Variants in NOTCH4 observed in about 807,000 individuals in gnomAD.
NOTCH4 encodes neurogenic locus notch homolog protein 4.
NOTCH4 carries 138 observed loss-of-function variants against 189.0 expected under a neutral mutation model. That is an observed-to-expected ratio of 0.73 (90% CI 0.64 to 0.84). The LOEUF (loss-of-function observed/expected upper bound fraction) is 0.84, where lower values mean the gene tolerates loss of function less well. Ranked by LOEUF, NOTCH4 falls within the 40% of genes least tolerant of loss-of-function variation. The pLI is 0.00. For synonymous variants in NOTCH4, 942 were observed against 1,032.8 expected (o/e 0.91, Z 1.69); for missense variants, 2,286 against 2,605.4 (o/e 0.88, Z 2.67).
In NOTCH4 at chr6:32,201,057, C is replaced by T. The variant is rs527238648; in HGVS notation, c.4140-51G>A. ...TCTGTATTGGTCCCTGGCTCCCTTT[C>T]CTCCCTCTGCCCTCTTAAAAAAACT... On this transcript the variant is annotated intron_variant, in intron 22 of 29. Transcript: ENST00000375023. The surrounding 1 kb of genome is among the most constrained non-coding windows in gnomAD (Gnocchi z 5.5). 1.3e-6 allele frequency: 2 copies of T among 1,563,028 alleles called. No homozygotes were observed. Among genetic ancestry groups the T allele is most frequent in the Non-Finnish European group, 1.7e-6 (2 of 1,155,480 alleles).
chr6:32,207,604 AC>A (rs1371373855), intron 18 of NOTCH4, among the ~76,000 whole-genome samples: 4 of 147,374 alleles, frequency 2.7e-5, no homozygotes, highest in African/African-American at 1.0e-4. Flanking sequence ...AGACTGGGCA[AC>A]AGGGCAACAG....
Position 32,210,887 on chromosome 6 carries a change from G to A in NOTCH4, c.2730C>T (p.Ser910=), listed in dbSNP as rs367564898. Residue 910 remains serine (S), a synonymous_variant, in exon 18 of 30, where the codon AGC becomes AGT. Coordinates refer to ENST00000375023, the MANE Select transcript of NOTCH4 (RefSeq NM_004557.4). This position sits in a 1 kb window ranked among gnomAD's most constrained non-coding sequence, Gnocchi z 4.8. ...LCHNGGLCVD[S]GPSYFCHCPP... The stretch of plus-strand genomic sequence containing the variant: ...GGCAGTGGCAGAAATAGGAGGGGCC[G>A]CTGTCGACACAGAGGCCTCCATTGT... The A allele has an allele frequency of 2.2e-5, 36 of 1,611,364 alleles. No homozygotes were observed. Among genetic ancestry groups the A allele is most frequent in the Non-Finnish European group, 2.7e-5 (32 of 1,179,194 alleles).
At position 32,197,474 on chromosome 6, in the gene NOTCH4, G is replaced by A. The variant is rs886700863; in HGVS notation, c.4877C>T (p.Pro1626Leu). 1 of 1,596,360 alleles carries A rather than the reference G, an allele frequency of 6.3e-7. No individual in the cohort carries two copies. The highest frequency in any genetic ancestry group is 2.2e-5 in the East Asian group (1 of 44,672). ...CCCAGTGCCCACGGTGTGAGCCTGG[G>A]GACAGGCCCCTCCATCCAGCAGAGG... is the stretch of plus-strand genomic sequence containing the variant. ...WEPLLDGGAC[P>L]QAHTVGTGET... is the part of the protein sequence containing the mutation. Residue 1626 changes from proline (P) to leucine (L), a missense_variant, in exon 27 of 30, where the codon CCC becomes CTC. Around this residue, in one of 2 missense-constraint regions of NOTCH4, gnomAD observed 1,903 missense variants for 2,261.9 expected, o/e 0.84. Transcript: ENST00000375023.
Position 32,220,272 on chromosome 6 carries a change from T to TG in NOTCH4, c.1171dup (p.His391ProfsTer57), listed in dbSNP as rs1789668497. ...CTGGCTCAGACACATGTCTTCCAAG[T>TG]GGCACAGGAGTCCTGGAGGGGTAAG... is the stretch of plus-strand genomic sequence containing the variant. On this transcript the variant is annotated frameshift_variant, in exon 7 of 30. Coordinates refer to ENST00000375023, the MANE Select transcript of NOTCH4 (RefSeq NM_004557.4). LOFTEE classifies it high-confidence loss of function. 2 of 1,613,284 alleles carry TG rather than the reference T, an allele frequency of 1.2e-6. No homozygotes were observed. Among genetic ancestry groups the TG allele is most frequent in the Non-Finnish European group, 1.7e-6 (2 of 1,179,588 alleles).
At position 32,201,934 on chromosome 6, in the gene NOTCH4, C is replaced by T. The variant is rs1326141740; in HGVS notation, c.3755+142G>A. The T allele has an allele frequency of 6.8e-6, 5 of 739,566 alleles. No individual in the cohort carries two copies. Among genetic ancestry groups the T allele is most frequent in the Non-Finnish European group, 9.6e-6 (5 of 519,240 alleles). 45.8% of individuals were successfully genotyped at this position (739,566 alleles called of 1,614,324 possible). On this transcript the variant is annotated intron_variant, in intron 21 of 29. Transcript: ENST00000375023. The surrounding 1 kb of genome is among the most constrained non-coding windows in gnomAD (Gnocchi z 5.5). The stretch of plus-strand genomic sequence containing the variant: ...TAGGTTGGAGTCCAGAGTCTTCGAC[C>T]CCTGTTTAGTGATGGTTATTAGGGT...
chr6:32,223,811 C>T, intron 1 of NOTCH4, 45 bp downstream of exon 1: 4 of 1,587,516 alleles, frequency 2.5e-6, no homozygotes, highest in Non-Finnish European at 3.4e-6. Flanking sequence ...TGATCATCCT[C>T]CTAAGGGAGC....
At position 32,195,221 on chromosome 6, in the gene NOTCH4, TG is replaced by T; in HGVS notation, c.*215del. The T allele has an allele frequency of 1.8e-6, 1 of 563,364 alleles. No individual in the cohort carries two copies. Among genetic ancestry groups the T allele is most frequent in the Non-Finnish European group, 3.1e-6 (1 of 324,172 alleles). 34.9% of individuals were successfully genotyped at this position (563,364 alleles called of 1,614,324 possible). A position where few individuals can be genotyped will look rare whatever the true frequency, so the allele number is the denominator to read the frequency against. ...CCTGTCTTATTTTCTGGAGGAGGAC[TG>T]GGCCTGCCTCATCCTAGCATCTTAA... On this transcript the variant is annotated 3_prime_UTR_variant, in exon 30 of 30. Coordinates refer to ENST00000375023, the MANE Select transcript of NOTCH4 (RefSeq NM_004557.4). The surrounding 1 kb of genome is among the most constrained non-coding windows in gnomAD (Gnocchi z 5.4).
rs1353777620 is a variant in NOTCH4, at chr6:32,200,447, G to A, written c.4315+384C>T. Among the ~76,000 whole-genome samples, 1 of 152,174 alleles carries A rather than the reference G, an allele frequency of 6.6e-6. No individual in the cohort carries two copies. The highest frequency in any genetic ancestry group is 1.9e-4 in the East Asian group (1 of 5,200). ...GATGGTCTCAATCTCCTGACCTCGT[G>A]ATCCACCTGCCTTGGTCTCCCAACG... On this transcript the variant is annotated intron_variant, in intron 23 of 29. Transcript: ENST00000375023. This position sits in a 1 kb window ranked among gnomAD's most constrained non-coding sequence, Gnocchi z 5.0.
rs1389325764 is a variant in NOTCH4, at chr6:32,222,499, A to C, written c.451+12T>G. On this transcript the variant is annotated intron_variant, in intron 3 of 29. Coordinates refer to ENST00000375023, the MANE Select transcript of NOTCH4 (RefSeq NM_004557.4). ...TGCCTGTCCCCTCCTGGCTGCCCCC[A>C]GCAGCGCTTACCTGTCCATCCAGGC... 6.6e-7 allele frequency: 1 copy of C among 1,505,876 alleles called. No individual in the cohort carries two copies. The highest frequency in any genetic ancestry group is 8.8e-7 in the Non-Finnish European group (1 of 1,132,292). The allele number at this position is 1,505,876 out of a possible 1,614,324, so 93.3% of individuals were successfully genotyped here. A position where few individuals can be genotyped will look rare whatever the true frequency, so the allele number is the denominator to read the frequency against.
intron 12 of NOTCH4, among the ~76,000 whole-genome samples, chr6:32,214,466 G>GAT (rs1554151235): frequency 0.074 from 8,679 of 116,656 alleles, 515 homozygotes; most frequent in African/African-American, 0.14. Context: ...TCTAGTTGGA[G>GAT]ATATATATAT....
At chr6:32,214,656 C>T (rs1270359837) in intron 12 of NOTCH4, among the ~76,000 whole-genome samples, 2 of 149,462 alleles carry the variant, frequency 1.3e-5, no homozygotes, top group African/African-American at 2.5e-5. Context: ...GAGACGGAGT[C>T]TTGCTCTGTC....
At chr6:32,197,983 G>A (rs1419414708) in intron 26 of NOTCH4, among the ~76,000 whole-genome samples, 2 of 152,098 alleles carry the variant, frequency 1.3e-5, no homozygotes, top group East Asian at 3.9e-4. Context: ...CACCACGCCC[G>A]GCTAATTTTT....
In NOTCH4 at chr6:32,216,804, T is replaced by G. The variant is rs1280227642; in HGVS notation, c.1861+141A>C. The stretch of plus-strand genomic sequence containing the variant: ...CCCCATGGTTGTACAATTGTGCAGG[T>G]TTTACACTAAATAACTTTAAAGGAT... On this transcript the variant is annotated intron_variant, in intron 11 of 29. Coordinates refer to ENST00000375023, the MANE Select transcript of NOTCH4 (RefSeq NM_004557.4). 5.6e-6 allele frequency: 6 copies of G among 1,077,828 alleles called. No individual in the cohort carries two copies. In the East Asian group the frequency reaches 1.4e-4, roughly 26 times the overall value. 66.8% of individuals were successfully genotyped at this position (1,077,828 alleles called of 1,614,324 possible). A position where few individuals can be genotyped will look rare whatever the true frequency, so the allele number is the denominator to read the frequency against.
rs1788078078 is a variant in NOTCH4 at position 32,198,154 on chromosome 6, AT to A, written c.4756+266del. Among the ~76,000 whole-genome samples, 1 of 152,240 alleles carries A rather than the reference AT, an allele frequency of 6.6e-6. No homozygotes were observed. The highest frequency in any genetic ancestry group is 1.5e-5 in the Non-Finnish European group (1 of 68,054). ...GTTTTCTCAAACGAGTCTGGATCAG[AT>A]TCACCTGAAGGGCTTGTTAAAACAG... On this transcript the variant is annotated intron_variant, in intron 26 of 29. Coordinates refer to ENST00000375023, the MANE Select transcript of NOTCH4 (RefSeq NM_004557.4). The surrounding 1 kb of genome is among the most constrained non-coding windows in gnomAD (Gnocchi z 5.5).
At chr6:32,218,208 G>C in intron 8 of NOTCH4, 100 bp from the exon 9 acceptor site, 2 of 751,026 alleles carry the variant, frequency 2.7e-6, no homozygotes, top group South Asian at 3.1e-5. Flanking sequence ...CCACTCAGGC[G>C]GTCCTCCCCC....
Position 32,210,738 on chromosome 6 carries a change from G to C in NOTCH4, c.2865+14C>G. The C allele has an allele frequency of 6.2e-7, 1 of 1,611,328 alleles. No individual in the cohort carries two copies. Among genetic ancestry groups the C allele is most frequent in the African/African-American group, 1.3e-5 (1 of 74,986 alleles). On this transcript the variant is annotated intron_variant, in intron 18 of 29. Coordinates refer to ENST00000375023, the MANE Select transcript of NOTCH4 (RefSeq NM_004557.4). This position sits in a 1 kb window ranked among gnomAD's most constrained non-coding sequence, Gnocchi z 4.8. The stretch of plus-strand genomic sequence containing the variant: ...CCTTGTCTTTCCTCCCCCTTCTCCT[G>C]CAGACCCTCTCACCTGGCAGAGATA...
chr6:32,203,504 C>A, intron 20 of NOTCH4: 1 of 495,098 alleles, frequency 2.0e-6, no homozygotes, highest in Non-Finnish European at 3.5e-6. Flanking sequence ...TCTGAGGCCA[C>A]CCACCACGCA....
In NOTCH4 at chr6:32,217,318, C is replaced by T. The variant is rs946219417; in HGVS notation, c.1625-52G>A. ...AGGAGGCCAAGGTCATCGAGGGAGG[C>T]ACAGCATGGCGCCTTCCCTTGCCAG... is the stretch of plus-strand genomic sequence containing the variant. On this transcript the variant is annotated intron_variant, in intron 9 of 29. Coordinates refer to ENST00000375023, the MANE Select transcript of NOTCH4 (RefSeq NM_004557.4). The surrounding 1 kb of genome is among the most constrained non-coding windows in gnomAD (Gnocchi z 4.2). The T allele has an allele frequency of 8.5e-7, 1 of 1,174,206 alleles. No individual in the cohort carries two copies. The allele number at this position is 1,174,206 out of a possible 1,614,324, so 72.7% of individuals were successfully genotyped here. A position where few individuals can be genotyped will look rare whatever the true frequency, so the allele number is the denominator to read the frequency against.
chr6:32,196,297 T>C lies in NOTCH4; in HGVS notation c.5298+27A>G, dbSNP rs150527902. The C allele has an allele frequency of 8.4e-4, 1,363 of 1,613,148 alleles. 23 individuals carry two copies. The Admixed American group carries it at 0.017, about 21-fold the overall frequency. On this transcript the variant is annotated intron_variant, in intron 29 of 29. Transcript: ENST00000375023. ...CCATCTCTCGTGCGCCTGACTGTTT[T>C]GTGGGAAGCCCTCTGTCCCATCTAA... is the stretch of plus-strand genomic sequence containing the variant.
Sources: gnomAD v4.1 joint callset for allele counts (sites outside exome capture counted in the v4.1 genomes callset) on GRCh38, gnomAD v4.1.1 for gene constraint, gnomAD v4.1.1 regional missense constraint, Gnocchi (gnomAD v3.1) non-coding constraint, MANE v1.5 for transcripts, NCBI Gene and HGNC (gene_info 2026-07-23, HGNC 2026-07-21) for gene names.